The following CTNNA3 variants were observed in gnomAD, a reference collection of about 807,000 sequenced individuals.
CTNNA3 encodes the protein catenin alpha-3.
CTNNA3 carries 76 observed loss-of-function variants against 95.7 expected under a neutral mutation model. The observed-to-expected ratio is 0.79, with a 90% CI of 0.66 to 0.96. The LOEUF is 0.96. CTNNA3 is among the 40% of genes least tolerant of loss of function. CTNNA3 has a pLI of 0.00. For missense variants in CTNNA3, 1,191 were observed against 1,089.8 expected, an observed-to-expected ratio of 1.09 and a Z score of -1.31; for synonymous variants, 431 against 374.4, an observed-to-expected ratio of 1.15 and a Z score of -1.74.
intron 5 of CTNNA3, among the ~76,000 whole-genome samples, chr10:67,357,129 A>G (rs1346527395): frequency 6.6e-6 from 1 of 152,062 alleles, no homozygotes. Context: ...TCATACACCC[A>G]CTAGTGTAAA....
chr10:66,546,471 A>G (rs1360548205), intron 10 of CTNNA3, among the ~76,000 whole-genome samples: 3 of 152,124 alleles, frequency 2.0e-5, no homozygotes, highest in Non-Finnish European at 2.9e-5. Context: ...CTGTTTTCAT[A>G]CTGGTATAAA....
At chr10:66,657,901 A>T (rs1428180670) in intron 9 of CTNNA3, among the ~76,000 whole-genome samples, 1 of 152,170 alleles carries the variant, frequency 6.6e-6, no homozygotes, top group Admixed American at 6.5e-5. Flanking sequence ...CGAACATGGA[A>T]ATATCACAGC....
At chr10:66,199,301 AT>A (rs2087163592) in intron 13 of CTNNA3, among the ~76,000 whole-genome samples, 1 of 152,066 alleles carries the variant, frequency 6.6e-6, no homozygotes, top group African/African-American at 2.4e-5. Flanking sequence ...AACATAGTAC[AT>A]TGTTTTCAAC....
intron 3 of CTNNA3, among the ~76,000 whole-genome samples, chr10:67,598,929 T>G (rs966540416): frequency 6.6e-6 from 1 of 152,028 alleles, no homozygotes; most frequent in African/African-American, 2.4e-5. Context: ...AAGAACCCAA[T>G]AGAAACCAAT....
chr10:66,126,764 C>G (rs767902061), intron 13 of CTNNA3, among the ~76,000 whole-genome samples: 2 of 152,074 alleles, frequency 1.3e-5, no homozygotes, highest in African/African-American at 4.8e-5. Context: ...AATGTATAAA[C>G]TAAATATCCA....
intron 5 of CTNNA3, among the ~76,000 whole-genome samples, chr10:67,272,106 A>G (rs957168054): frequency 2.6e-5 from 4 of 152,188 alleles, no homozygotes. Context: ...CTCTCTTAGG[A>G]GTTCATGGAC....
intron 13 of CTNNA3, among the ~76,000 whole-genome samples, chr10:66,234,116 G>C (rs2089735821): frequency 6.6e-6 from 1 of 152,146 alleles, no homozygotes; most frequent in South Asian, 2.1e-4. Flanking sequence ...GGCACACAAA[G>C]TATATTTCTT....
At chr10:67,428,917 A>C (rs1311502171) in intron 5 of CTNNA3, among the ~76,000 whole-genome samples, 1 of 151,944 alleles carries the variant, frequency 6.6e-6, no homozygotes, top group Non-Finnish European at 1.5e-5. Flanking sequence ...CAGCTTGCAG[A>C]CAGGACCTTG....
At chr10:67,337,850 T>G (rs1842049698) in intron 5 of CTNNA3, among the ~76,000 whole-genome samples, 2 of 152,202 alleles carry the variant, frequency 1.3e-5, no homozygotes, top group African/African-American at 4.8e-5. Flanking sequence ...ACAGTGTTTT[T>G]GGATATAATG....
Position 67,574,830 on chromosome 10 carries a change from C to G in CTNNA3, c.292+32027G>C, listed in dbSNP as rs529459214. On this transcript the variant is annotated intron_variant, in intron 3 of 17. Coordinates refer to ENST00000433211, the MANE Select transcript of CTNNA3 (RefSeq NM_013266.4). ...TCCTGACCTCAGGTGATCCACCTGC[C>G]TCGGCCTCCCAAAGTGTTGGGATTA... Among the ~76,000 whole-genome samples the G allele has an allele frequency of 6.6e-5, 10 of 152,274 alleles. No homozygotes were observed. The South Asian group carries it at 2.1e-3, about 32-fold the overall frequency.
At chr10:67,095,644 A>C (rs1282322754) in intron 7 of CTNNA3, among the ~76,000 whole-genome samples, 10 of 151,904 alleles carry the variant, frequency 6.6e-5, no homozygotes, top group Admixed American at 3.9e-4. Context: ...AATTATTCAC[A>C]GTAGAGTTAA....
At chr10:67,712,241 G>A (rs1284746626) in intron 1 of CTNNA3, among the ~76,000 whole-genome samples, 4 of 152,158 alleles carry the variant, frequency 2.6e-5, no homozygotes, top group Admixed American at 6.5e-5. Context: ...GGGAAGCAAA[G>A]TAAAAAAGCT....
intron 11 of CTNNA3, among the ~76,000 whole-genome samples, chr10:66,487,896 T>A (rs569624843): frequency 6.6e-6 from 1 of 152,230 alleles, no homozygotes; most frequent in African/African-American, 2.4e-5. Context: ...TGTCTCAAAA[T>A]CCATCTGGAA....
At chr10:66,186,522 A>T (rs969030305) in intron 13 of CTNNA3, among the ~76,000 whole-genome samples, 12 of 152,264 alleles carry the variant, frequency 7.9e-5, no homozygotes, top group Admixed American at 7.8e-4. Flanking sequence ...AACTGAATTA[A>T]ATTAGAAATT....
At chr10:66,735,895 T>C (rs1053561348) in intron 9 of CTNNA3, among the ~76,000 whole-genome samples, 5 of 152,210 alleles carry the variant, frequency 3.3e-5, no homozygotes, top group African/African-American at 9.6e-5. Context: ...AGAAGTTGTG[T>C]CACATCCAAA....
intron 5 of CTNNA3, among the ~76,000 whole-genome samples, chr10:67,255,615 T>G (rs982585706): frequency 6.6e-6 from 1 of 152,176 alleles, no homozygotes; most frequent in Admixed American, 6.5e-5. Context: ...ATAAAGAAAC[T>G]GACATGCAAA....
chr10:66,274,538 A>G (rs760094284), intron 13 of CTNNA3, among the ~76,000 whole-genome samples: 2 of 152,094 alleles, frequency 1.3e-5, no homozygotes, highest in Non-Finnish European at 2.9e-5. Context: ...ATAATATTTG[A>G]GATATCAGCA....
chr10:66,254,262 T>G (rs1323304221), intron 13 of CTNNA3, among the ~76,000 whole-genome samples: 1 of 152,158 alleles, frequency 6.6e-6, no homozygotes, highest in Non-Finnish European at 1.5e-5. Flanking sequence ...ACTTCCCTAT[T>G]ATCAAAAGCA....
At chr10:66,258,969 A>C (rs797012557) in intron 13 of CTNNA3, among the ~76,000 whole-genome samples, 4 of 152,300 alleles carry the variant, frequency 2.6e-5, no homozygotes, top group African/African-American at 9.6e-5. Flanking sequence ...ACACTTTCCT[A>C]AAGTAACCAC....
Sources: gnomAD v4.1 joint callset for allele counts (sites outside exome capture counted in the v4.1 genomes callset) on GRCh38, gnomAD v4.1.1 for gene constraint, MANE v1.5 for transcripts, NCBI Gene and HGNC (gene_info 2026-07-23, HGNC 2026-07-21) for gene names.